Variants in EGFR observed in about 807,000 individuals in gnomAD.
EGFR encodes the protein avian erythroblastic leukemia viral (v-erb-b) oncogene homolog.
EGFR carries 58 observed loss-of-function variants against 143.0 expected under a neutral mutation model. The observed-to-expected ratio is 0.41, with a 90% CI of 0.33 to 0.50. The LOEUF is 0.50. Ranked by LOEUF, EGFR falls within the 20% of genes least tolerant of loss-of-function variation. The pLI, the probability that EGFR is intolerant of heterozygous loss-of-function variation, is 0.39. For synonymous variants in EGFR, 613 were observed against 594.4 expected (o/e 1.03, Z -0.45); for missense variants, 1,307 against 1,579.0 (o/e 0.83, Z 2.92).
At chr7:55,115,976 A>G (rs1332130021) in intron 1 of EGFR, among the ~76,000 whole-genome samples, 3 of 152,176 alleles carry the variant, frequency 2.0e-5, no homozygotes, top group Non-Finnish European at 2.9e-5. Context: ...GAAGTTTGAA[A>G]CAAGTGTTCC....
At chr7:55,036,172 G>A (rs942331786) in intron 1 of EGFR, among the ~76,000 whole-genome samples, 6 of 149,342 alleles carry the variant, frequency 4.0e-5, no homozygotes, top group South Asian at 2.1e-4. Context: ...CCACTGATTC[G>A]TTGAACAAAC....
At chr7:55,137,169 G>A (rs1048642903) in intron 1 of EGFR, among the ~76,000 whole-genome samples, 6 of 152,190 alleles carry the variant, frequency 3.9e-5, no homozygotes, top group Admixed American at 1.3e-4. Flanking sequence ...GCCTTTAAGC[G>A]TACCTCGAAG....
In EGFR at chr7:55,098,633, T is replaced by C. The variant is rs573348514; in HGVS notation, c.89-43653T>C. Among the ~76,000 whole-genome samples the C allele has an allele frequency of 2.2e-4, 34 of 152,344 alleles. No individual in the cohort carries two copies. In the South Asian group the frequency reaches 6.8e-3, roughly 31 times the overall value. On this transcript the variant is annotated intron_variant, in intron 1 of 27. Transcript: ENST00000275493. Reference sequence around the variant, plus strand: ...GTATGCATATTGTTGTTAAGTATTTTTTCTGTTTGCTTATCTATAATTCTA... The same window carrying C: ...GTATGCATATTGTTGTTAAGTATTTCTTCTGTTTGCTTATCTATAATTCTA...
intron 1 of EGFR, among the ~76,000 whole-genome samples, chr7:55,130,663 C>T (rs1274485207): frequency 6.6e-6 from 1 of 152,212 alleles, no homozygotes; most frequent in Non-Finnish European, 1.5e-5. Flanking sequence ...ACACTCAGAG[C>T]ACACAAATCC....
chr7:55,097,943 C>A (rs923722186), intron 1 of EGFR, among the ~76,000 whole-genome samples: 2 of 152,162 alleles, frequency 1.3e-5, no homozygotes, highest in Non-Finnish European at 2.9e-5. Context: ...CACTCATTCC[C>A]TTATTTTTCC....
intron 1 of EGFR, among the ~76,000 whole-genome samples, chr7:55,115,496 A>T (rs557275205): frequency 6.6e-6 from 1 of 152,240 alleles, no homozygotes; most frequent in Non-Finnish European, 1.5e-5. Flanking sequence ...ATTTATTATC[A>T]TCTAAGATTT....
At chr7:55,128,984 T>A (rs1194098707) in intron 1 of EGFR, among the ~76,000 whole-genome samples, 1 of 152,210 alleles carries the variant, frequency 6.6e-6, no homozygotes, top group Non-Finnish European at 1.5e-5. Flanking sequence ...CATGCATGCA[T>A]TCCAGTAATT....
Position 55,194,148 on chromosome 7 carries a change from G to A in EGFR, c.2701+1307G>A, listed in dbSNP as rs544110381. Among the ~76,000 whole-genome samples the A allele has an allele frequency of 2.0e-5, 3 of 151,976 alleles. No individual in the cohort carries two copies. In the East Asian group the frequency reaches 5.8e-4, roughly 29 times the overall value. On this transcript the variant is annotated intron_variant, in intron 22 of 27. Coordinates refer to ENST00000275493, the MANE Select transcript of EGFR (RefSeq NM_005228.5). Reference sequence around the variant, plus strand: ...GCCCCTCCCACTCCAGGCACAGCCCGGTCTCCTGCTGGTCTCCCCTCTTCC... The same window carrying A: ...GCCCCTCCCACTCCAGGCACAGCCCAGTCTCCTGCTGGTCTCCCCTCTTCC...
chr7:55,127,200 T>A (rs1793578523), intron 1 of EGFR, among the ~76,000 whole-genome samples: 1 of 152,194 alleles, frequency 6.6e-6, no homozygotes, highest in Admixed American at 6.5e-5. Context: ...TTGGACAGTT[T>A]CCAAGCATAA....
At chr7:55,077,480 C>T (rs61303718) in intron 1 of EGFR, among the ~76,000 whole-genome samples, 1,835 of 152,296 alleles carry the variant, frequency 0.012, 20 homozygotes, top group Middle Eastern at 0.034. Context: ...AATGTGTCCT[C>T]CTTTTTTTCT....
intron 1 of EGFR, among the ~76,000 whole-genome samples, chr7:55,068,204 A>G (rs79698813): frequency 0.018 from 2,733 of 152,254 alleles, 45 homozygotes; most frequent in Middle Eastern, 0.065. Flanking sequence ...CTTCTGTTTT[A>G]AAATATCAGA....
chr7:55,042,051 G>A (rs369148434), intron 1 of EGFR, among the ~76,000 whole-genome samples: 2 of 152,118 alleles, frequency 1.3e-5, no homozygotes, highest in African/African-American at 2.4e-5. Flanking sequence ...AAATTGACAG[G>A]CAGGTCAGAG....
At chr7:55,138,634 G>A (rs1794290997) in intron 1 of EGFR, among the ~76,000 whole-genome samples, 1 of 152,180 alleles carries the variant, frequency 6.6e-6, no homozygotes, top group African/African-American at 2.4e-5. Context: ...GGGTCCAGAT[G>A]CATGTTATGT....
rs79580256 is a variant in EGFR at position 55,191,967 on chromosome 7, A to T, written c.2625+93A>T. ...CTGTATTGTTTAACACATGCAGGGGAGGATGCTCTCCAGACATTCTGGGTG... is the reference window on the plus strand; with the variant it reads ...CTGTATTGTTTAACACATGCAGGGGTGGATGCTCTCCAGACATTCTGGGTG... On this transcript the variant is annotated intron_variant, in intron 21 of 27. Transcript: ENST00000275493. The T allele has an allele frequency of 2.3e-4, 354 of 1,570,758 alleles. 1 individual carries two copies. The East Asian group carries it at 7.8e-3, about 34-fold the overall frequency.
At chr7:55,203,666 C>A (rs1447666512) in intron 27 of EGFR, among the ~76,000 whole-genome samples, 2 of 136,772 alleles carry the variant, frequency 1.5e-5, no homozygotes, top group Non-Finnish European at 3.4e-5. Context: ...ACCACACACA[C>A]ACATACACAC....
chr7:55,051,522 G>A (rs2128874302), intron 1 of EGFR, among the ~76,000 whole-genome samples: 1 of 152,182 alleles, frequency 6.6e-6, no homozygotes. Context: ...ACAGCAAGAA[G>A]ACCCTCCCCA....
chr7:55,094,499 G>A (rs148275727), intron 1 of EGFR, among the ~76,000 whole-genome samples: 1 of 152,366 alleles, frequency 6.6e-6, no homozygotes, highest in East Asian at 1.9e-4. Context: ...GATTTTTGGA[G>A]AGTCCTTGAG....
intron 1 of EGFR, among the ~76,000 whole-genome samples, chr7:55,026,662 G>T (rs1312363610): frequency 6.6e-6 from 1 of 152,034 alleles, no homozygotes; most frequent in East Asian, 1.9e-4. Context: ...AAAGATGCCT[G>T]CCCCAAGATA....
Position 55,129,838 on chromosome 7 carries a change from G to A in EGFR, c.89-12448G>A, listed in dbSNP as rs148880392. ...TCCAACCAGGTCTGTCTTCTAGAAAGTATAGGATGAAAGGGCTCCTCATCA... is the reference window on the plus strand; with the variant it reads ...TCCAACCAGGTCTGTCTTCTAGAAAATATAGGATGAAAGGGCTCCTCATCA... On this transcript the variant is annotated intron_variant, in intron 1 of 27. Transcript: ENST00000275493. Among the ~76,000 whole-genome samples, 245 of 152,302 alleles carry A rather than the reference G, an allele frequency of 1.6e-3. 1 individual carries two copies. Among genetic ancestry groups the A allele is most frequent in the South Asian group, 3.5e-3 (17 of 4,820 alleles).
Sources: allele counts gnomAD v4.1 joint callset (sites outside exome capture counted in the v4.1 genomes callset), GRCh38; gene constraint gnomAD v4.1.1; transcripts MANE v1.5; gene names NCBI Gene and HGNC (gene_info 2026-07-23, HGNC 2026-07-21).